PHAX: variants seen among roughly 807,000 people sequenced by gnomAD.
PHAX encodes phosphorylated adapter RNA export protein.
A neutral mutation model predicts 41.6 loss-of-function variants in PHAX; 31 were observed. The ratio of observed to expected loss-of-function variants is 0.75; its 90% CI spans 0.56 to 1.01. PHAX has a LOEUF of 1.01. Ranked by LOEUF, PHAX falls within the 50% of genes least tolerant of loss-of-function variation. The pLI is 0.00. For missense variants in PHAX, 453 were observed against 472.9 expected (o/e 0.96, Z 0.39); for synonymous variants, 175 against 164.9 (o/e 1.06, Z -0.47).
Position 126,603,562 on chromosome 5 carries a change from A to G in PHAX, c.97-8A>G. 1 of 1,584,070 alleles carries G rather than the reference A, an allele frequency of 6.3e-7. No homozygotes were observed. The highest frequency in any genetic ancestry group is 8.6e-7 in the Non-Finnish European group (1 of 1,162,658). ...TGTGAAATTGATTGTGTTTCTTTTC[A>G]CTTGCAGAAAGTGCTAGGTGGCGAC... On this transcript the variant is annotated splice_region_variant and splice_polypyrimidine_tract_variant and intron_variant, in intron 1 of 4. Transcript: ENST00000297540.
At chr5:126,601,381 C>T (rs1484311806) in intron 1 of PHAX, among the ~76,000 whole-genome samples, 1 of 152,206 alleles carries the variant, frequency 6.6e-6, no homozygotes. Context: ...TTGCGGCGGC[C>T]TCTTAGACGT....
intron 3 of PHAX, 27 bp downstream of exon 3, chr5:126,608,511 T>C (rs1237648570): frequency 6.4e-7 from 1 of 1,573,600 alleles, no homozygotes; most frequent in Non-Finnish European, 8.6e-7. Flanking sequence ...GTTTTTGTTT[T>C]TGTATTGTTT....
intron 4 of PHAX, among the ~76,000 whole-genome samples, chr5:126,622,971 C>G (rs1752294642): frequency 6.6e-6 from 1 of 151,876 alleles, no homozygotes; most frequent in South Asian, 2.1e-4. Context: ...ACTAAAAATA[C>G]AAAATATAGT....
intron 3 of PHAX, among the ~76,000 whole-genome samples, chr5:126,610,593 CAG>C (rs1282751648): frequency 8.5e-5 from 13 of 152,202 alleles, no homozygotes; most frequent in Non-Finnish European, 1.5e-4. Context: ...CAGTTGAACA[CAG>C]AGTTACAGAT....
intron 1 of PHAX, among the ~76,000 whole-genome samples, chr5:126,601,817 C>T (rs1259258534): frequency 6.6e-6 from 1 of 152,196 alleles, no homozygotes; most frequent in Non-Finnish European, 1.5e-5. Flanking sequence ...CATGCGCCCG[C>T]TGCCACGCCC....
At chr5:126,621,202 T>TTTG (rs1449523816) in intron 4 of PHAX, among the ~76,000 whole-genome samples, 1 of 151,982 alleles carries the variant, frequency 6.6e-6, no homozygotes, top group African/African-American at 2.4e-5. Flanking sequence ...TTTGTTTTGT[T>TTTG]TTGAAGAGGT....
intron 2 of PHAX, among the ~76,000 whole-genome samples, chr5:126,607,390 T>A (rs1358405397): frequency 7.6e-5 from 5 of 65,530 alleles, no homozygotes; most frequent in African/African-American, 2.0e-4. Flanking sequence ...TCTGAATTCT[T>A]TTTTTTTTTT....
At chr5:126,603,019 A>AATACATGCCCAGCT (rs1478927048) in intron 1 of PHAX, among the ~76,000 whole-genome samples, 1 of 151,348 alleles carries the variant, frequency 6.6e-6, no homozygotes, top group African/African-American at 2.4e-5. Context: ...AAAAAAAAAA[A>AATACATGCCCAGCT]AAATACATGC....
At chr5:126,618,315 G>T (rs927363487) in intron 4 of PHAX, among the ~76,000 whole-genome samples, 1 of 151,798 alleles carries the variant, frequency 6.6e-6, no homozygotes, top group East Asian at 1.9e-4. Context: ...TTGAACAAGC[G>T]TAAGGGCAGG....
At chr5:126,622,871 A>G (rs1053080948) in intron 4 of PHAX, among the ~76,000 whole-genome samples, 3 of 152,052 alleles carry the variant, frequency 2.0e-5, no homozygotes, top group Admixed American at 6.6e-5. Flanking sequence ...TACCCCTGTA[A>G]TCCCAGCACT....
chr5:126,609,095 ATTT>A (rs761125079), intron 3 of PHAX, among the ~76,000 whole-genome samples: 1,235 of 101,166 alleles, frequency 0.012, 17 homozygotes, highest in Middle Eastern at 0.029. Context: ...TAGGGGTTGA[ATTT>A]TTTTTTTTTT....
rs145873143 is a variant in PHAX, at chr5:126,601,421, T to C, written c.96+363T>C. Among the ~76,000 whole-genome samples, 287 of 152,298 alleles carry C rather than the reference T, an allele frequency of 1.9e-3. 2 individuals are homozygous for C. Among genetic ancestry groups the C allele is most frequent in the African/African-American group, 6.6e-3 (274 of 41,582 alleles). ...CCTCCGCCTACCGCTCTTTCTTTTC[T>C]AAACTTGGGGCTTCCCCACTCCATC... On this transcript the variant is annotated intron_variant, in intron 1 of 4. Coordinates refer to ENST00000297540, the MANE Select transcript of PHAX (RefSeq NM_032177.4).
At chr5:126,609,530 A>G (rs1752046730) in intron 3 of PHAX, among the ~76,000 whole-genome samples, 2 of 152,030 alleles carry the variant, frequency 1.3e-5, no homozygotes, top group African/African-American at 4.8e-5. Flanking sequence ...AAATTCGGCT[A>G]AGTTGTTTGA....
chr5:126,601,657 A>G (rs1751905996), intron 1 of PHAX, among the ~76,000 whole-genome samples: 1 of 152,164 alleles, frequency 6.6e-6, no homozygotes, highest in East Asian at 1.9e-4. Flanking sequence ...AGGCTTTTGC[A>G]TTAGCCTCTC....
intron 4 of PHAX, among the ~76,000 whole-genome samples, chr5:126,623,125 CAAAAAAAAAAGAAGAAGA>C (rs1561683739): frequency 7.3e-6 from 1 of 137,528 alleles, no homozygotes; most frequent in African/African-American, 2.7e-5. Context: ...GACTCTGTCT[CAAAAAAAAAAGAAGAAGA>C]AAAAAAATAA....
chr5:126,617,452 T>TTATC (rs911998937), intron 4 of PHAX, 119 bp downstream of exon 4: 1 of 563,576 alleles, frequency 1.8e-6, no homozygotes, highest in Non-Finnish European at 3.1e-6. Context: ...GATTTTGTTA[T>TTATC]TATCTTAAGT....
chr5:126,611,299 C>T (rs534421837), intron 3 of PHAX, among the ~76,000 whole-genome samples: 73 of 152,286 alleles, frequency 4.8e-4, no homozygotes, highest in Middle Eastern at 3.4e-3. Flanking sequence ...GGTGATCTGC[C>T]GGCCTCGGCC....
chr5:126,616,215 C>T (rs936897173), intron 3 of PHAX, among the ~76,000 whole-genome samples: 2 of 152,070 alleles, frequency 1.3e-5, no homozygotes, highest in Non-Finnish European at 2.9e-5. Flanking sequence ...GCCTTAGCCT[C>T]CCAAGTAGCT....
chr5:126,612,425 C>T (rs1005830398), intron 3 of PHAX, among the ~76,000 whole-genome samples: 1 of 152,136 alleles, frequency 6.6e-6, no homozygotes, highest in Non-Finnish European at 1.5e-5. Flanking sequence ...CTAGGCCGGG[C>T]GTGGTGGCTC....
Sources: gnomAD v4.1 joint callset for allele counts (sites outside exome capture counted in the v4.1 genomes callset) on GRCh38, gnomAD v4.1.1 for gene constraint, MANE v1.5 for transcripts, NCBI Gene and HGNC (gene_info 2026-07-23, HGNC 2026-07-21) for gene names.